NOS1: variants seen among roughly 807,000 people sequenced by gnomAD.
NOS1 encodes NOS type I.
A neutral mutation model predicts 164.5 loss-of-function variants in NOS1; 51 were observed. The ratio of observed to expected loss-of-function variants is 0.31; its 90% CI spans 0.25 to 0.39. The LOEUF (loss-of-function observed/expected upper bound fraction) is 0.39. NOS1 is among the 10% of genes least tolerant of loss of function. The probability of loss-of-function intolerance (pLI) is 1.00; values close to 1 mark genes in which losing one functional copy is unlikely to be tolerated. For missense variants in NOS1, 1,362 were observed against 1,885.6 expected (o/e 0.72, Z 5.14); for synonymous variants, 719 against 745.8 (o/e 0.96, Z 0.59).
intron 11 of NOS1, among the ~76,000 whole-genome samples, chr12:117,267,195 A>G (rs1252533360): frequency 1.3e-5 from 2 of 152,208 alleles, no homozygotes; most frequent in Non-Finnish European, 2.9e-5. Context: ...TATTATAGAG[A>G]GCAACTTCTA....
In NOS1 at chr12:117,209,000, G is replaced by A. The variant is rs951260166; in HGVS notation, c.*6309C>T. The A allele has an allele frequency of 4.1e-6, 4 of 981,064 alleles. No homozygotes were observed. Among genetic ancestry groups the A allele is most frequent in the Non-Finnish European group, 4.8e-6 (4 of 826,098 alleles). 60.8% of individuals were successfully genotyped at this position (981,064 alleles called of 1,614,324 possible). A position where few individuals can be genotyped will look rare whatever the true frequency, so the allele number is the denominator to read the frequency against. ...GGCCTCCCAAAGTCCTGTGATTACA[G>A]GCATGAGCCACCACGCCTGGCCTGG... On this transcript the variant is annotated 3_prime_UTR_variant, in exon 29 of 29. Coordinates refer to ENST00000317775, the MANE Select transcript of NOS1 (RefSeq NM_000620.5).
rs529667228 is a variant in NOS1, at chr12:117,322,025, C to T, written c.725+8320G>A. On this transcript the variant is annotated intron_variant, in intron 2 of 28. Transcript: ENST00000317775. ...CTCTCCTTCCTTCCCTCCCTCTCTC[C>T]TTCCTTTCCTCCTTCTCTCCTTCCT... is the stretch of plus-strand genomic sequence containing the variant. Among the ~76,000 whole-genome samples, 49 of 125,386 alleles carry T rather than the reference C, an allele frequency of 3.9e-4. 1 individual carries two copies. The highest frequency in any genetic ancestry group is 7.2e-4 in the Non-Finnish European group (43 of 59,702). The allele number at this position is 125,386 out of a possible 152,430, so 82.3% of individuals were successfully genotyped here.
chr12:117,320,876 A>T (rs946017253), intron 2 of NOS1, among the ~76,000 whole-genome samples: 1 of 152,056 alleles, frequency 6.6e-6, no homozygotes, highest in Non-Finnish European at 1.5e-5. Context: ...CCTCAGTACA[A>T]ATGTTGTCTT....
At position 117,234,877 on chromosome 12, in the gene NOS1, G is replaced by T; in HGVS notation, c.3042-119C>A. On this transcript the variant is annotated intron_variant, in intron 20 of 28. Coordinates refer to ENST00000317775, the MANE Select transcript of NOS1 (RefSeq NM_000620.5). This position sits in a 1 kb window ranked among gnomAD's most constrained non-coding sequence, Gnocchi z 4.3. ...CCTCCTTCCATTCTTGTTGGGGCCCGTGCTAACCAAGCCTATGCCCCCATC... is the reference window on the plus strand; with the variant it reads ...CCTCCTTCCATTCTTGTTGGGGCCCTTGCTAACCAAGCCTATGCCCCCATC... The T allele has an allele frequency of 1.4e-6, 1 of 722,650 alleles. No individual in the cohort carries two copies. 44.8% of individuals were successfully genotyped at this position (722,650 alleles called of 1,614,324 possible). A position where few individuals can be genotyped will look rare whatever the true frequency, so the allele number is the denominator to read the frequency against.
chr12:117,282,971 G>C (rs2136014388), intron 7 of NOS1, among the ~76,000 whole-genome samples: 2 of 151,022 alleles, frequency 1.3e-5, no homozygotes, highest in Middle Eastern at 3.5e-3. Flanking sequence ...GTGTAAACCT[G>C]CATCTCTCCC....
intron 1 of NOS1, among the ~76,000 whole-genome samples, chr12:117,344,346 A>G (rs374938915): frequency 6.6e-6 from 1 of 152,244 alleles, no homozygotes; most frequent in East Asian, 1.9e-4. Flanking sequence ...GTTGAAATAT[A>G]TGAAATTAAC....
At chr12:117,237,486 G>T (rs1869810097) in intron 20 of NOS1, among the ~76,000 whole-genome samples, 2 of 152,052 alleles carry the variant, frequency 1.3e-5, no homozygotes, top group South Asian at 4.1e-4. Context: ...GAGAAGTACA[G>T]GGAGAAGGGG....
In NOS1 at chr12:117,356,588, G is replaced by T. The variant is rs1266441960; in HGVS notation, c.-421+4924C>A. ...CTTTATCTGGGCACCTGCCCTTGGGGTCTAGCACTGGCCTTGCCATTTAAC... is the reference window on the plus strand; with the variant it reads ...CTTTATCTGGGCACCTGCCCTTGGGTTCTAGCACTGGCCTTGCCATTTAAC... On this transcript the variant is annotated intron_variant, in intron 1 of 28. Coordinates refer to ENST00000317775, the MANE Select transcript of NOS1 (RefSeq NM_000620.5). The surrounding 1 kb of genome is among the most constrained non-coding windows in gnomAD (Gnocchi z 4.2). Among the ~76,000 whole-genome samples the T allele has an allele frequency of 2.0e-5, 3 of 152,218 alleles. No homozygotes were observed. Among genetic ancestry groups the T allele is most frequent in the Non-Finnish European group, 4.4e-5 (3 of 68,046 alleles).
intron 16 of NOS1, among the ~76,000 whole-genome samples, chr12:117,256,636 T>A (rs1320276422): frequency 1.3e-5 from 2 of 152,080 alleles, no homozygotes; most frequent in Admixed American, 6.6e-5. Flanking sequence ...GAGCATTTGA[T>A]GTTCACCTTA....
chr12:117,213,786 T>C lies in NOS1; in HGVS notation c.*1523A>G. On this transcript the variant is annotated 3_prime_UTR_variant, in exon 29 of 29. Transcript: ENST00000317775. ...GGGACCCTGCAGTCTGGGAGGCCAC[T>C]AGGATTTCTTGTCTCTTTCTGGGAA... 1 of 985,434 alleles carries C rather than the reference T, an allele frequency of 1.0e-6. No individual in the cohort carries two copies. The highest frequency in any genetic ancestry group is 1.1e-4 in the East Asian group (1 of 8,812). 61.0% of individuals were successfully genotyped at this position (985,434 alleles called of 1,614,324 possible).
chr12:117,325,182 A>G (rs1013702745), intron 2 of NOS1, among the ~76,000 whole-genome samples: 12 of 152,120 alleles, frequency 7.9e-5, no homozygotes, highest in Admixed American at 3.3e-4. Flanking sequence ...CCAGGATGCC[A>G]GTGCTGATGC....
intron 17 of NOS1, among the ~76,000 whole-genome samples, chr12:117,249,258 G>A (rs1870899580): frequency 6.6e-6 from 1 of 152,164 alleles, no homozygotes; most frequent in Non-Finnish European, 1.5e-5. Context: ...CTGTGGAAGG[G>A]CACTTGAAAC....
At chr12:117,259,659 C>T (rs1415437197) in intron 14 of NOS1, among the ~76,000 whole-genome samples, 1 of 152,162 alleles carries the variant, frequency 6.6e-6, no homozygotes, top group Non-Finnish European at 1.5e-5. Context: ...CAACATTTCT[C>T]AAAATAGGTT....
At chr12:117,304,981 C>G in intron 3 of NOS1, 2 of 983,774 alleles carry the variant, frequency 2.0e-6, no homozygotes, top group African/African-American at 1.7e-5. Flanking sequence ...CAATTGCATT[C>G]TATTGCCTTT....
intron 7 of NOS1, among the ~76,000 whole-genome samples, chr12:117,283,174 C>T (rs1873828295): frequency 6.6e-6 from 1 of 151,836 alleles, no homozygotes. Flanking sequence ...AATCCTCCCA[C>T]CTCAGCCTCC....
At chr12:117,321,602 G>A (rs1360492166) in intron 2 of NOS1, among the ~76,000 whole-genome samples, 1 of 152,152 alleles carries the variant, frequency 6.6e-6, no homozygotes. Context: ...TGGATGGGGA[G>A]CTGCTTACGT....
chr12:117,314,807 A>T (rs2136058440), intron 2 of NOS1, among the ~76,000 whole-genome samples: 1 of 152,220 alleles, frequency 6.6e-6, no homozygotes, highest in Non-Finnish European at 1.5e-5. Context: ...GGGTTTCACC[A>T]TGTTGGCCAG....
intron 8 of NOS1, 114 bp from the exon 9 acceptor site, chr12:117,278,212 A>G: frequency 1.6e-6 from 2 of 1,235,248 alleles, no homozygotes; most frequent in Non-Finnish European, 2.2e-6. Context: ...CCCCCAGGAG[A>G]CATTTCCTCT....
intron 17 of NOS1, among the ~76,000 whole-genome samples, chr12:117,252,891 A>G (rs998731054): frequency 6.6e-6 from 1 of 152,210 alleles, no homozygotes; most frequent in African/African-American, 2.4e-5. Flanking sequence ...TTCTTCCTAC[A>G]GGGCAACTCA....
Sources: gnomAD v4.1 joint callset for allele counts (sites outside exome capture counted in the v4.1 genomes callset) on GRCh38, gnomAD v4.1.1 for gene constraint, Gnocchi (gnomAD v3.1) non-coding constraint, MANE v1.5 for transcripts, NCBI Gene and HGNC (gene_info 2026-07-23, HGNC 2026-07-21) for gene names.